Variants in SOX6 observed in about 807,000 individuals in gnomAD.
The protein encoded by SOX6 is transcription factor SOX-6.
SOX6 carries 11 observed loss-of-function variants against 97.8 expected under a neutral mutation model. That is an observed-to-expected ratio of 0.11 (90% CI 0.07 to 0.19). The LOEUF is 0.19. Among genes scored for constraint, SOX6 ranks in the 10% least tolerant of loss-of-function variants. The pLI is 1.00. For synonymous variants in SOX6, 360 were observed against 371.4 expected (o/e 0.97, Z 0.35); for missense variants, 810 against 1,039.5 (o/e 0.78, Z 3.04).
At chr11:16,565,302 T>C (rs1847857769) in intron 4 of SOX6, among the ~76,000 whole-genome samples, 1 of 152,068 alleles carries the variant, frequency 6.6e-6, no homozygotes, top group Non-Finnish European at 1.5e-5. Flanking sequence ...CTTAAGAAAA[T>C]TGAATTCTTA....
rs190379655 is a variant in SOX6, at chr11:16,442,912, T to C, written c.-5+33403A>G. ...ATTAATTAGTTGAAATTAAATATTT[T>C]CCAGGTTCATATCAGGAAATAATCA... On this transcript the variant is annotated intron_variant, in intron 1 of 15. Coordinates refer to the SOX6 transcript ENST00000396356. Among the ~76,000 whole-genome samples, 699 of 152,268 alleles carry C rather than the reference T, an allele frequency of 4.6e-3. 5 individuals are homozygous for C. The highest frequency in any genetic ancestry group is 0.016 in the African/African-American group (676 of 41,540).
chr11:16,270,556 A>G (rs1590079935), intron 3 of SOX6, among the ~76,000 whole-genome samples: 3 of 151,428 alleles, frequency 2.0e-5, no homozygotes, highest in African/African-American at 7.2e-5. Context: ...AATGTTGTGC[A>G]TTGCACCATT....
intron 4 of SOX6, among the ~76,000 whole-genome samples, chr11:16,487,931 C>A: frequency 6.6e-6 from 1 of 152,160 alleles, no homozygotes; most frequent in East Asian, 1.9e-4. Context: ...TGTACTTAGA[C>A]TACTATAAAA....
At chr11:16,240,079 ATGT>A (rs566722998) in intron 3 of SOX6, among the ~76,000 whole-genome samples, 78 of 152,196 alleles carry the variant, frequency 5.1e-4, no homozygotes, top group South Asian at 2.7e-3. Flanking sequence ...AATTCAGAAA[ATGT>A]TGTGCTAAAT....
chr11:16,387,555 T>C (rs1858027897), intron 1 of SOX6, among the ~76,000 whole-genome samples: 1 of 152,080 alleles, frequency 6.6e-6, no homozygotes, highest in African/African-American at 2.4e-5. Flanking sequence ...TATAAAAAGA[T>C]TAAGCAAAGT....
At chr11:16,643,180 T>A (rs1391267573) in intron 3 of SOX6, among the ~76,000 whole-genome samples, 1 of 152,186 alleles carries the variant, frequency 6.6e-6, no homozygotes, top group Non-Finnish European at 1.5e-5. Flanking sequence ...GGAGGTCCAC[T>A]CCAGACCCTG....
chr11:16,644,506 T>C (rs117302310), intron 3 of SOX6, among the ~76,000 whole-genome samples: 1 of 152,344 alleles, frequency 6.6e-6, no homozygotes, highest in Non-Finnish European at 1.5e-5. Context: ...CTGATGTTCA[T>C]ATCTGTAATT....
At position 16,709,203 on chromosome 11, in the gene SOX6, T is replaced by C. The variant is rs573709614; in HGVS notation, n.429+5627A>G. Among the ~76,000 whole-genome samples the C allele has an allele frequency of 5.9e-5, 9 of 152,226 alleles. No individual in the cohort carries two copies. The East Asian group carries it at 1.5e-3, about 26-fold the overall frequency. On this transcript the variant is annotated intron_variant and non_coding_transcript_variant, in intron 3 of 5. Coordinates refer to the SOX6 transcript ENST00000524520. ...CTGCCCTCATGATAGCGAGTTCTCA[T>C]AAGAAATGGTTTTTTAAAGGTGTGT...
chr11:16,325,516 A>T (rs1180353421), intron 2 of SOX6, among the ~76,000 whole-genome samples: 1 of 152,130 alleles, frequency 6.6e-6, no homozygotes, highest in African/African-American at 2.4e-5. Context: ...GCTTAGGGGA[A>T]ACAGAAAAAA....
intron 4 of SOX6, among the ~76,000 whole-genome samples, chr11:16,196,489 T>A (rs1318171104): frequency 6.6e-6 from 1 of 152,226 alleles, no homozygotes; most frequent in African/African-American, 2.4e-5. Flanking sequence ...ATATACTGTT[T>A]ACTAAAGTGA....
At chr11:16,676,778 T>G (rs1208378147) in intron 3 of SOX6, among the ~76,000 whole-genome samples, 1 of 152,190 alleles carries the variant, frequency 6.6e-6, no homozygotes, top group African/African-American at 2.4e-5. Context: ...GCTTCGTATA[T>G]GTTGAGCATG....
chr11:16,632,871 C>A (rs556924520), intron 3 of SOX6, among the ~76,000 whole-genome samples: 1 of 152,298 alleles, frequency 6.6e-6, no homozygotes, highest in Admixed American at 6.5e-5. Context: ...GCTTCTGAAC[C>A]AGGCAAGCAG....
chr11:16,082,899 T>C (rs1848500959), intron 9 of SOX6, among the ~76,000 whole-genome samples: 1 of 152,154 alleles, frequency 6.6e-6, no homozygotes, highest in Admixed American at 6.5e-5. Flanking sequence ...TCACCTATGA[T>C]TGCTCCTGTA....
intron 9 of SOX6, among the ~76,000 whole-genome samples, chr11:16,060,426 G>A (rs1035920484): frequency 2.0e-5 from 3 of 151,860 alleles, no homozygotes; most frequent in Non-Finnish European, 4.4e-5. Flanking sequence ...TTTCAAAGCT[G>A]AGTAAACTGG....
intron 3 of SOX6, among the ~76,000 whole-genome samples, chr11:16,301,237 A>T (rs1472420486): frequency 6.6e-6 from 1 of 152,170 alleles, no homozygotes; most frequent in East Asian, 1.9e-4. Flanking sequence ...TAGTACTTTC[A>T]CCCTACTTCT....
intron 6 of SOX6, among the ~76,000 whole-genome samples, chr11:16,124,204 A>C (rs769667433): frequency 5.3e-5 from 8 of 152,114 alleles, no homozygotes; most frequent in Non-Finnish European, 1.0e-4. Flanking sequence ...TATTAAACAA[A>C]TGTTTCTTTT....
chr11:16,247,001 C>T (rs1218105848), intron 3 of SOX6, among the ~76,000 whole-genome samples: 1 of 152,094 alleles, frequency 6.6e-6, no homozygotes, highest in African/African-American at 2.4e-5. Context: ...CAAATACTAG[C>T]TCTTTTTCAT....
chr11:16,109,991 T>C, intron 7 of SOX6, among the ~76,000 whole-genome samples: 1 of 152,170 alleles, frequency 6.6e-6, no homozygotes, highest in East Asian at 1.9e-4. Flanking sequence ...CACAATATTG[T>C]CCCAATTTCT....
At chr11:16,639,219 A>G (rs1439832828) in intron 3 of SOX6, among the ~76,000 whole-genome samples, 1 of 152,108 alleles carries the variant, frequency 6.6e-6, no homozygotes, top group Non-Finnish European at 1.5e-5. Context: ...AAGATCAGAT[A>G]GTTGTAGATG....
Sources: gnomAD v4.1 joint callset for allele counts (sites outside exome capture counted in the v4.1 genomes callset) on GRCh38, gnomAD v4.1.1 for gene constraint, MANE v1.5 for transcripts, NCBI Gene and HGNC (gene_info 2026-07-23, HGNC 2026-07-21) for gene names.